The following KLHL5 variants were observed in gnomAD, a reference collection of about 807,000 sequenced individuals.
KLHL5 encodes kelch like family member 5, also known as kelch-like protein 5.
KLHL5 carries 48 observed loss-of-function variants against 77.7 expected under a neutral mutation model. The observed-to-expected ratio is 0.62, with a 90% CI of 0.49 to 0.79. The LOEUF (loss-of-function observed/expected upper bound fraction) is 0.79. Among genes scored for constraint, KLHL5 ranks in the 30% least tolerant of loss-of-function variants. The pLI, the probability that KLHL5 is intolerant of heterozygous loss-of-function variation, is 0.00. For missense variants in KLHL5, 723 were observed against 859.7 expected (o/e 0.84, Z 1.99); for synonymous variants, 260 against 297.0 (o/e 0.88, Z 1.28).
intron 6 of KLHL5, among the ~76,000 whole-genome samples, chr4:39,101,646 G>A (rs575437894): frequency 5.9e-5 from 9 of 151,918 alleles, no homozygotes; most frequent in South Asian, 2.1e-4. Context: ...CCAGGAGTTC[G>A]AGACCAGCCT....
chr4:39,045,096 G>A (rs1716055419), exon 1 of KLHL5: 1 of 986,420 alleles, frequency 1.0e-6, no homozygotes, highest in Non-Finnish European at 1.2e-6. Flanking sequence ...AGCCCGACGC[G>A]GTAAGTGCGA....
chr4:39,120,154 G>T (rs7676008), intron 10 of KLHL5: 4 of 151,868 alleles, frequency 2.6e-5, no homozygotes, highest in Non-Finnish European at 5.9e-5. Context: ...TTACTCACCC[G>T]CTGAATCCAT....
chr4:39,062,533 C>T lies in KLHL5; in HGVS notation c.-120C>T, dbSNP rs1352061178. On this transcript the variant is annotated 5_prime_UTR_variant, in exon 1 of 11. Transcript: ENST00000504108. The stretch of plus-strand genomic sequence containing the variant: ...TATATATATGAATGTGATTTATTTT[C>T]CTTTACATATTTTTGTTGTGTACAG... 2.5e-6 allele frequency: 4 copies of T among 1,609,342 alleles called. No individual in the cohort carries two copies. Among genetic ancestry groups the T allele is most frequent in the East Asian group, 2.2e-5 (1 of 44,840 alleles).
At chr4:39,078,586 T>C (rs1244287914) in intron 2 of KLHL5, among the ~76,000 whole-genome samples, 3 of 151,888 alleles carry the variant, frequency 2.0e-5, no homozygotes, top group South Asian at 2.1e-4. Flanking sequence ...TCCCAGCCAC[T>C]TGGGAGGCTG....
At chr4:39,087,816 T>G (rs1720186850) in intron 5 of KLHL5, among the ~76,000 whole-genome samples, 1 of 152,174 alleles carries the variant, frequency 6.6e-6, no homozygotes, top group African/African-American at 2.4e-5. Context: ...TTTTTTTAAT[T>G]TAAAGTGTCA....
At chr4:39,101,126 T>TATACATACATATA (rs1553892884) in intron 6 of KLHL5, among the ~76,000 whole-genome samples, 2 of 134,850 alleles carry the variant, frequency 1.5e-5, no homozygotes, top group Non-Finnish European at 3.1e-5. Flanking sequence ...TATTTGGATT[T>TATACATACATATA]TATATATATA....
At chr4:39,115,813 G>T (rs906262804) in intron 10 of KLHL5, 7 of 1,021,296 alleles carry the variant, frequency 6.9e-6, no homozygotes, top group Non-Finnish European at 7.0e-6. Flanking sequence ...ACCTGATCTG[G>T]CAGTCTTACT....
chr4:39,049,085 G>T, intron 1 of KLHL5, among the ~76,000 whole-genome samples: 1 of 152,190 alleles, frequency 6.6e-6, no homozygotes, highest in East Asian at 1.9e-4. Context: ...AGGAGAACTG[G>T]AATAGTCTGT....
intron 10 of KLHL5, 137 bp downstream of exon 10, chr4:39,115,467 G>A (rs1722770303): frequency 6.6e-7 from 1 of 1,517,116 alleles, no homozygotes; most frequent in Non-Finnish European, 8.8e-7. Flanking sequence ...GATTAGCGAT[G>A]AGAAAAAGAG....
chr4:39,112,179 T>A (rs1238512334), intron 8 of KLHL5, among the ~76,000 whole-genome samples: 11 of 152,174 alleles, frequency 7.2e-5, no homozygotes. Flanking sequence ...TTACAAACTT[T>A]TAGGTTCAGA....
At chr4:39,110,737 G>C (rs946891818) in intron 8 of KLHL5, among the ~76,000 whole-genome samples, 10 of 152,030 alleles carry the variant, frequency 6.6e-5, no homozygotes, top group African/African-American at 1.9e-4. Flanking sequence ...CAATGTGCTG[G>C]GATTACAGGT....
upstream of KLHL5, chr4:39,044,924 C>T: frequency 3.1e-6 from 3 of 982,314 alleles, no homozygotes; most frequent in Non-Finnish European, 3.6e-6. Context: ...GCGGGAGTGG[C>T]TCGCTCCGGG....
chr4:39,117,260 C>T (rs1395548448), intron 10 of KLHL5, among the ~76,000 whole-genome samples: 1 of 152,064 alleles, frequency 6.6e-6, no homozygotes, highest in Non-Finnish European at 1.5e-5. Flanking sequence ...GATCATGACA[C>T]TGCACTCCAG....
intron 10 of KLHL5, among the ~76,000 whole-genome samples, chr4:39,118,058 CT>C (rs1722967849): frequency 1.1e-5 from 1 of 89,974 alleles, no homozygotes; most frequent in African/African-American, 3.5e-5. Context: ...GAGACTCCAT[CT>C]AAAAAAAAAA....
intron 1 of KLHL5, among the ~76,000 whole-genome samples, chr4:39,070,863 C>T (rs185397905): frequency 7.3e-4 from 78 of 106,490 alleles, no homozygotes; most frequent in Middle Eastern, 4.4e-3. Context: ...TCTTCTTCCT[C>T]ACCCATATAA....
upstream of KLHL5, among the ~76,000 whole-genome samples, chr4:39,059,485 G>A (rs1463443298): frequency 6.6e-6 from 1 of 152,116 alleles, no homozygotes; most frequent in African/African-American, 2.4e-5. Flanking sequence ...GGTGGCTCAC[G>A]CCTGTAATCT....
intron 6 of KLHL5, among the ~76,000 whole-genome samples, chr4:39,100,937 A>AT (rs1721477230): frequency 6.6e-6 from 1 of 151,992 alleles, no homozygotes; most frequent in Non-Finnish European, 1.5e-5. Flanking sequence ...GTCCCTTCAT[A>AT]TATCTGTTTA....
In KLHL5 at chr4:39,113,212, A is replaced by G. The variant is rs1722586859; in HGVS notation, c.1881A>G (p.Arg627=). The G allele has an allele frequency of 6.2e-7, 1 of 1,613,862 alleles. No homozygotes were observed. Among genetic ancestry groups the G allele is most frequent in the Non-Finnish European group, 8.5e-7 (1 of 1,179,874 alleles). ...CTCCCGCATCCAACTTGACTTCCAG[A>G]CTCTCAGACTGTGTGGAAAGGTAAT... is the stretch of plus-strand genomic sequence containing the variant. ...HDAPASNLTS[R]LSDCVERYDP... The change falls in exon 9 of 11, where the codon AGA becomes AGG. Residue 627 remains arginine (R), a synonymous_variant. Coordinates refer to ENST00000504108, the MANE Select transcript of KLHL5 (RefSeq NM_015990.5).
rs371160515 is a variant in KLHL5, at chr4:39,096,740, T to G, written c.1162T>G (p.Cys388Gly). The change falls in exon 6 of 11, where the codon TGT becomes GGT. Residue 388 changes from cysteine (C) to glycine (G), a missense_variant. By Grantham distance (159) the Cys-to-Gly change is radical. This residue lies in a region of KLHL5 where 288 missense variants were observed against 400.3 expected (regional missense o/e 0.72). Coordinates refer to ENST00000504108, the MANE Select transcript of KLHL5 (RefSeq NM_015990.5). ...TGTACTTTTTCGGGATGATATAGAATGTCAGAAACTCATTATGGAAGCAAT... is the reference window on the plus strand; with the variant it reads ...TGTACTTTTTCGGGATGATATAGAAGGTCAGAAACTCATTATGGAAGCAAT... ...NNVLFRDDIECQKLIMEAMKY... is the reference protein window; with the variant it reads ...NNVLFRDDIEGQKLIMEAMKY... 1 of 1,613,368 alleles carries G rather than the reference T, an allele frequency of 6.2e-7. No homozygotes were observed. Among genetic ancestry groups the G allele is most frequent in the East Asian group, 2.2e-5 (1 of 44,842 alleles).
Sources: allele counts gnomAD v4.1 joint callset (sites outside exome capture counted in the v4.1 genomes callset), GRCh38; gene constraint gnomAD v4.1.1; regional missense constraint gnomAD v4.1.1; transcripts MANE v1.5; gene names NCBI Gene and HGNC (gene_info 2026-07-23, HGNC 2026-07-21).